Variants in VWA8 observed in about 807,000 individuals in gnomAD.
VWA8 encodes von Willebrand factor A domain-containing protein 8.
VWA8 carries 221 observed loss-of-function variants against 241.5 expected under a neutral mutation model. The observed-to-expected ratio is 0.91, with a 90% confidence interval of 0.82 to 1.02. The LOEUF (loss-of-function observed/expected upper bound fraction) is 1.02. Ranked by LOEUF, VWA8 falls within the 50% of genes least tolerant of loss-of-function variation. The pLI is 0.00. For synonymous variants in VWA8, 852 were observed against 827.1 expected, an observed-to-expected ratio of 1.03 and a Z score of -0.52; for missense variants, 2,322 against 2,328.7, an observed-to-expected ratio of 1.00 and a Z score of 0.06.
intron 37 of VWA8, among the ~76,000 whole-genome samples, chr13:41,655,471 T>G (rs1392888683): frequency 7.2e-6 from 1 of 139,756 alleles, no homozygotes; most frequent in Admixed American, 7.7e-5. Flanking sequence ...ATAATATATA[T>G]CCACACATAC....
chr13:41,952,431 C>A (rs1385257313), intron 1 of VWA8, among the ~76,000 whole-genome samples: 5 of 152,128 alleles, frequency 3.3e-5, no homozygotes, highest in Non-Finnish European at 4.4e-5. Context: ...AAAAGATAAG[C>A]TTGCTTACAA....
intron 40 of VWA8, among the ~76,000 whole-genome samples, chr13:41,604,606 A>T (rs150027201): frequency 0.01 from 1,591 of 152,288 alleles, 29 homozygotes; most frequent in African/African-American, 0.035. Flanking sequence ...AATCACCTTG[A>T]AATACTTCAT....
intron 12 of VWA8, among the ~76,000 whole-genome samples, chr13:41,835,048 A>C (rs1174173625): frequency 6.6e-6 from 1 of 152,158 alleles, no homozygotes; most frequent in Non-Finnish European, 1.5e-5. Context: ...ACATGCACAC[A>C]TGGTGGGGAA....
intron 39 of VWA8, among the ~76,000 whole-genome samples, chr13:41,607,997 G>A (rs1328291136): frequency 6.6e-6 from 1 of 152,126 alleles, no homozygotes; most frequent in East Asian, 1.9e-4. Context: ...AATGTTGGAG[G>A]TATGGGTTGT....
intron 2 of VWA8, among the ~76,000 whole-genome samples, chr13:41,936,648 T>C (rs1257289866): frequency 1.3e-5 from 2 of 152,172 alleles, no homozygotes; most frequent in African/African-American, 4.8e-5. Flanking sequence ...ATACAAAATT[T>C]CAGCTAGGAG....
At chr13:41,604,707 GCTTT>G (rs2044542330) in intron 40 of VWA8, among the ~76,000 whole-genome samples, 1 of 152,134 alleles carries the variant, frequency 6.6e-6, no homozygotes, top group East Asian at 1.9e-4. Context: ...ATGAGGCTTT[GCTTT>G]CTCTTTAGAC....
chr13:41,637,528 C>T (rs1486546119), intron 37 of VWA8, among the ~76,000 whole-genome samples: 2 of 150,650 alleles, frequency 1.3e-5, no homozygotes, highest in Non-Finnish European at 3.0e-5. Flanking sequence ...CAAACCTGCA[C>T]GTTGTGCACA....
intron 12 of VWA8, among the ~76,000 whole-genome samples, chr13:41,863,360 T>TTATA (rs150748985): frequency 7.2e-6 from 1 of 139,658 alleles, no homozygotes; most frequent in African/African-American, 2.7e-5. Flanking sequence ...AAACTCCTCT[T>TTATA]TATATATATA....
At chr13:41,613,915 C>T (rs149638599) in intron 38 of VWA8, among the ~76,000 whole-genome samples, 29 of 152,212 alleles carry the variant, frequency 1.9e-4, no homozygotes, top group African/African-American at 5.8e-4. Context: ...AAACTAAAAG[C>T]CAGGTGAAAC....
chr13:41,898,776 G>GGGGGT (rs1875271419), intron 4 of VWA8, among the ~76,000 whole-genome samples: 1 of 143,554 alleles, frequency 7.0e-6, no homozygotes, highest in Non-Finnish European at 1.5e-5. Context: ...CCGGTGGGCT[G>GGGGGT]GCACTGCTGG....
Position 41,907,665 on chromosome 13 carries a change from G to A in VWA8, c.404C>T (p.Ala135Val). 6.2e-7 allele frequency: 1 copy of A among 1,614,124 alleles called. No individual in the cohort carries two copies. The highest frequency in any genetic ancestry group is 1.1e-5 in the South Asian group (1 of 91,080). ...ELTKREVEYI[A>V]LSRDTTETDL... Reference sequence around the variant, plus strand: ...AGTTTCAGTGGTGTCCCTTGACAGGGCAATGTATTCGACCTCCCGTTTGGT... The same window carrying A: ...AGTTTCAGTGGTGTCCCTTGACAGGACAATGTATTCGACCTCCCGTTTGGT... The change falls in exon 4 of 45, where the codon GCC (alanine) becomes GTC (valine). Residue 135 changes from alanine (A) to valine (V), a missense_variant. By Grantham distance (64) the Ala-to-Val change is moderately conservative. Transcript: ENST00000379310.
At chr13:41,795,559 A>G (rs11839125) in intron 17 of VWA8, among the ~76,000 whole-genome samples, 2 of 152,246 alleles carry the variant, frequency 1.3e-5, no homozygotes, top group South Asian at 2.1e-4. Context: ...ATGCCCATCA[A>G]TGATAAACTG....
chr13:41,655,341 A>C (rs2044896732), intron 37 of VWA8, among the ~76,000 whole-genome samples: 1 of 152,090 alleles, frequency 6.6e-6, no homozygotes, highest in Non-Finnish European at 1.5e-5. Flanking sequence ...CGCCCACTTC[A>C]GCCTCCCAAA....
chr13:41,599,135 C>T (rs2044506290), intron 40 of VWA8, among the ~76,000 whole-genome samples: 1 of 152,070 alleles, frequency 6.6e-6, no homozygotes, highest in Non-Finnish European at 1.5e-5. Context: ...TTTGTTTTTA[C>T]TAATTAGCTT....
intron 17 of VWA8, among the ~76,000 whole-genome samples, chr13:41,801,265 A>G (rs1314874710): frequency 2.0e-5 from 3 of 152,120 alleles, no homozygotes; most frequent in Non-Finnish European, 4.4e-5. Context: ...AAGAATCAAT[A>G]TTCTTATTTC....
intron 12 of VWA8, among the ~76,000 whole-genome samples, chr13:41,850,971 A>T (rs1484103957): frequency 6.6e-6 from 1 of 152,218 alleles, no homozygotes; most frequent in African/African-American, 2.4e-5. Flanking sequence ...ATACAAACAA[A>T]GTGAAAAGCT....
At chr13:41,787,682 T>C (rs1466939259) in intron 17 of VWA8, 139 bp from the exon 18 acceptor site, 1 of 602,260 alleles carries the variant, frequency 1.7e-6, no homozygotes. Context: ...TCTGGATCTG[T>C]AAAATCTAAA....
In VWA8 at chr13:41,865,831, T is replaced by C; in HGVS notation, c.1348-18A>G. 6.2e-7 allele frequency: 1 copy of C among 1,614,198 alleles called. No homozygotes were observed. The highest frequency in any genetic ancestry group is 1.3e-5 in the African/African-American group (1 of 75,044). On this transcript the variant is annotated intron_variant, in intron 11 of 44. Coordinates refer to ENST00000379310, the MANE Select transcript of VWA8 (RefSeq NM_015058.2). ...CCACAACCCTACAAATGGAAAAAAT[T>C]ATTCAAGAGGTAAGTCAAAATAACC...
At chr13:41,900,519 G>A (rs1167877342) in intron 4 of VWA8, among the ~76,000 whole-genome samples, 2 of 152,284 alleles carry the variant, frequency 1.3e-5, no homozygotes, top group African/African-American at 4.8e-5. Context: ...AAAAGTAGGT[G>A]TGTGACCTAA....
Sources: allele counts gnomAD v4.1 joint callset (sites outside exome capture counted in the v4.1 genomes callset), GRCh38; gene constraint gnomAD v4.1.1; transcripts MANE v1.5; gene names NCBI Gene and HGNC (gene_info 2026-07-23, HGNC 2026-07-21).